Variants in NEFL observed in about 807,000 individuals in gnomAD.
NEFL encodes neurofilament light chain, also known as neurofilament light polypeptide.
NEFL carries 36 observed loss-of-function variants against 51.6 expected under a neutral mutation model. The observed-to-expected ratio is 0.70, with a 90% CI of 0.53 to 0.92. NEFL has a LOEUF of 0.92. Ranked by LOEUF, NEFL falls within the 40% of genes least tolerant of loss-of-function variation. The pLI is 0.00. For synonymous variants in NEFL, 332 were observed against 302.5 expected, an observed-to-expected ratio of 1.10 and a Z score of -1.01; for missense variants, 671 against 722.0, an observed-to-expected ratio of 0.93 and a Z score of 0.81.
Position 24,955,203 on chromosome 8 carries a change from C to T in NEFL, c.1044+269G>A. 1 of 526,940 alleles carries T rather than the reference C, an allele frequency of 1.9e-6. No individual in the cohort carries two copies. 32.6% of individuals were successfully genotyped at this position (526,940 alleles called of 1,614,324 possible). A position where few individuals can be genotyped will look rare whatever the true frequency, so the allele number is the denominator to read the frequency against. On this transcript the variant is annotated intron_variant, in intron 1 of 3. Coordinates refer to ENST00000610854, the MANE Select transcript of NEFL (RefSeq NM_006158.5). The surrounding 1 kb of genome is among the most constrained non-coding windows in gnomAD (Gnocchi z 4.0). ...CAGGCCGGAGGCAACGCCCAATTCC[C>T]ACGTCTTCCCCTCCCCCACCCAACA...
At chr8:24,953,836 G>A (rs746396254) in intron 2 of NEFL, 41 bp from the exon 3 acceptor site, 2 of 1,549,832 alleles carry the variant, frequency 1.3e-6, no homozygotes, top group Admixed American at 2.0e-5. Flanking sequence ...AAACACCTGT[G>A]TTTCACAACT....
chr8:24,951,510 G>A lies in NEFL; in HGVS notation c.*1300C>T, dbSNP rs1198318451. 1.3e-5 allele frequency: 2 copies of A among 152,190 alleles called. No individual in the cohort carries two copies. Among genetic ancestry groups the A allele is most frequent in the Admixed American group, 6.5e-5 (1 of 15,270 alleles). 9.4% of individuals were successfully genotyped at this position (152,190 alleles called of 1,614,324 possible). On this transcript the variant is annotated 3_prime_UTR_variant, in exon 4 of 4. Coordinates refer to ENST00000610854, the MANE Select transcript of NEFL (RefSeq NM_006158.5). ...GAAAGGATACATGGGGCGTGTATTT[G>A]ATGCAATGTCCAACCAGTCAAGCTA...
rs1467518073 is a variant in NEFL at position 24,951,761 on chromosome 8, A to T, written c.*1049T>A. ...TCAGGATTGCAGGCAACATGTTTGC[A>T]GTGGAGTGGCAAATAACCTTTGGTA... On this transcript the variant is annotated 3_prime_UTR_variant, in exon 4 of 4. Transcript: ENST00000610854. 6.6e-6 allele frequency: 1 copy of T among 152,666 alleles called. No individual in the cohort carries two copies. The highest frequency in any genetic ancestry group is 1.9e-4 in the East Asian group (1 of 5,200). 9.5% of individuals were successfully genotyped at this position (152,666 alleles called of 1,614,324 possible).
In NEFL at chr8:24,951,898, T is replaced by C. The variant is rs2117249664; in HGVS notation, c.*912A>G. ...ATGATATTTAGACTATATTTTAAAA[T>C]GCAGTTATAGGGATGAATGTATGGG... On this transcript the variant is annotated 3_prime_UTR_variant, in exon 4 of 4. Coordinates refer to ENST00000610854, the MANE Select transcript of NEFL (RefSeq NM_006158.5). 6.6e-6 allele frequency: 1 copy of C among 152,646 alleles called. No individual in the cohort carries two copies. The highest frequency in any genetic ancestry group is 2.1e-4 in the South Asian group (1 of 4,828). The allele number at this position is 152,646 out of a possible 1,614,324, so 9.5% of individuals were successfully genotyped here. A position where few individuals can be genotyped will look rare whatever the true frequency, so the allele number is the denominator to read the frequency against.
In NEFL at chr8:24,953,804, G is replaced by A. The variant is rs1803004739; in HGVS notation, c.1170-9C>T. 3.7e-6 allele frequency: 6 copies of A among 1,603,436 alleles called. No individual in the cohort carries two copies. Among genetic ancestry groups the A allele is most frequent in the Non-Finnish European group, 5.1e-6 (6 of 1,173,706 alleles). The stretch of plus-strand genomic sequence containing the variant: ...CGCCTTCCAAGAGTTTCCTGGGGAT[G>A]CAGATGCAAGGTGAGGTTAAAAAAC... On this transcript the variant is annotated splice_polypyrimidine_tract_variant and intron_variant, in intron 2 of 3. Coordinates refer to ENST00000610854, the MANE Select transcript of NEFL (RefSeq NM_006158.5).
At chr8:24,953,887 GCTGGGATTTATCAATACTTAATGC>G in intron 2 of NEFL, 92 bp from the exon 3 acceptor site, 1 of 1,460,762 alleles carries the variant, frequency 6.8e-7, no homozygotes, top group Non-Finnish European at 9.0e-7. Context: ...CAGGAGCAGG[GCTGGGATTTATCAATACTTAATGC>G]CTGGGGATCT....
In NEFL at chr8:24,955,230, G is replaced by A. The variant is rs1435220065; in HGVS notation, c.1044+242C>T. 3 of 514,342 alleles carry A rather than the reference G, an allele frequency of 5.8e-6. No individual in the cohort carries two copies. The highest frequency in any genetic ancestry group is 1.0e-5 in the Non-Finnish European group (3 of 293,920). The allele number at this position is 514,342 out of a possible 1,614,324, so 31.9% of individuals were successfully genotyped here. A position where few individuals can be genotyped will look rare whatever the true frequency, so the allele number is the denominator to read the frequency against. ...CGTCTTCCCCTCCCCCACCCAACAAGGGCTGGGCAGCTTTAATGCGGAACG... is the reference window on the plus strand; with the variant it reads ...CGTCTTCCCCTCCCCCACCCAACAAAGGCTGGGCAGCTTTAATGCGGAACG... On this transcript the variant is annotated intron_variant, in intron 1 of 3. Transcript: ENST00000610854. This position sits in a 1 kb window ranked among gnomAD's most constrained non-coding sequence, Gnocchi z 4.0.
rs139488006 is a variant in NEFL at position 24,951,611 on chromosome 8, C to T, written c.*1199G>A. ...GTAACATACAAGCATATTACCTCCC[C>T]CCTTAAGTGACTCATAATTTCATTA... On this transcript the variant is annotated 3_prime_UTR_variant, in exon 4 of 4. Transcript: ENST00000610854. 6.6e-5 allele frequency: 10 copies of T among 152,648 alleles called. No homozygotes were observed. Among genetic ancestry groups the T allele is most frequent in the African/African-American group, 2.4e-4 (10 of 41,562 alleles). 9.5% of individuals were successfully genotyped at this position (152,648 alleles called of 1,614,324 possible).
chr8:24,953,693 G>T lies in NEFL; in HGVS notation c.1272C>A (p.Tyr424Ter). The T allele has an allele frequency of 6.2e-7, 1 of 1,614,006 alleles. No homozygotes were observed. Among genetic ancestry groups the T allele is most frequent in the East Asian group, 2.2e-5 (1 of 44,878 alleles). Residue 424 changes from tyrosine (Y) to a stop codon, truncating the protein, a stop_gained, in exon 3 of 4, where the codon TAC becomes TAA. Transcript: ENST00000610854. LOFTEE classifies it high-confidence loss of function. The stretch of plus-strand genomic sequence containing the variant: ...GATAGGAGCTGGTCTGTAAACCGCC[G>T]TAGGCAGATCGGCCAAAGACCTGGG... ...QSSQVFGRSA[Y>*]GGLQTSSYLM...
intron 1 of NEFL, 51 bp from the exon 2 acceptor site, chr8:24,954,356 T>G (rs1030026336): frequency 5.6e-6 from 9 of 1,599,752 alleles, no homozygotes; most frequent in Non-Finnish European, 7.7e-6. Flanking sequence ...ATAAATCCCT[T>G]CTATTATTTT....
rs1802976574 is a variant in NEFL, at chr8:24,952,052, CAAGT to C, written c.*754_*757del. ...TGTTTACCATAAAGAGTGTATCTGTCAAGTAATTTCAGAATTGCTCCCTAGAAAG... is the reference window on the plus strand; with the variant it reads ...TGTTTACCATAAAGAGTGTATCTGTCAATTTCAGAATTGCTCCCTAGAAAG... On this transcript the variant is annotated 3_prime_UTR_variant, in exon 4 of 4. Coordinates refer to ENST00000610854, the MANE Select transcript of NEFL (RefSeq NM_006158.5). The C allele has an allele frequency of 6.6e-6, 1 of 152,402 alleles. No homozygotes were observed. The highest frequency in any genetic ancestry group is 2.4e-5 in the African/African-American group (1 of 41,420). The allele number at this position is 152,402 out of a possible 1,614,324, so 9.4% of individuals were successfully genotyped here.
In NEFL at chr8:24,955,631, G is replaced by C. The variant is rs772297064; in HGVS notation, c.885C>G (p.Thr295=). ...TVLTESAAKN[T]DAVRAAKDEV... is the part of the protein sequence containing the mutation. ...CGTCCTTGGCGGCGCGCACGGCGTC[G>C]GTGTTCTTGGCGGCGCTCTCGGTCA... The change falls in exon 1 of 4, where the codon ACC becomes ACG. Residue 295 remains threonine, a synonymous_variant. Transcript: ENST00000610854. This position sits in a 1 kb window ranked among gnomAD's most constrained non-coding sequence, Gnocchi z 4.0. The C allele has an allele frequency of 6.2e-7, 1 of 1,613,772 alleles. No homozygotes were observed. Among genetic ancestry groups the C allele is most frequent in the Non-Finnish European group, 8.5e-7 (1 of 1,179,858 alleles).
In NEFL at chr8:24,954,328, C is replaced by CA. The variant is rs759422223; in HGVS notation, c.1045-24dup. On this transcript the variant is annotated intron_variant, in intron 1 of 3. Coordinates refer to ENST00000610854, the MANE Select transcript of NEFL (RefSeq NM_006158.5). ...GTCCTGTTTGAAGACAAAAATAAAA[C>CA]AAAAAAAAAATCCGAGCATAAATCC... The CA allele has an allele frequency of 2.3e-3, 3,258 of 1,416,994 alleles. 2 individuals are homozygous for CA. The highest frequency in any genetic ancestry group is 0.017 in the East Asian group (675 of 38,710). The allele number at this position is 1,416,994 out of a possible 1,614,324, so 87.8% of individuals were successfully genotyped here. A position where few individuals can be genotyped will look rare whatever the true frequency, so the allele number is the denominator to read the frequency against.
intron 1 of NEFL, among the ~76,000 whole-genome samples, chr8:24,954,744 T>G (rs1434501966): frequency 6.6e-6 from 1 of 152,220 alleles, no homozygotes; most frequent in East Asian, 1.9e-4. Flanking sequence ...ATATTTCCTA[T>G]GTATCTAAAT....
rs917021745 is a variant in NEFL, at chr8:24,956,188, C to T, written c.328G>A (p.Glu110Lys). Residue 110 changes from glutamate to lysine, a missense_variant, in exon 1 of 4, where the codon GAG becomes AAG. Physicochemically the swap from Glu to Lys is moderately conservative, Grantham distance 56. Coordinates refer to ENST00000610854, the MANE Select transcript of NEFL (RefSeq NM_006158.5). This position sits in a 1 kb window ranked among gnomAD's most constrained non-coding sequence, Gnocchi z 5.9. ...AGGACCTTGTTCTGCTGCTCCAGCT[C>T]GTGCACGCGCTCGATGAAGCTGGCG... The part of the protein sequence containing the change: ...RFASFIERVH[E>K]LEQQNKVLEA... 1.9e-6 allele frequency: 3 copies of T among 1,610,220 alleles called. No individual in the cohort carries two copies. Among genetic ancestry groups the T allele is most frequent in the South Asian group, 2.2e-5 (2 of 90,078 alleles).
Position 24,952,676 on chromosome 8 carries a change from A to C in NEFL, c.*134T>G. ...AGCACAACATTGAATGTCCAACCTA[A>C]GTCATCTCAGAATTATACATATATT... is the stretch of plus-strand genomic sequence containing the variant. On this transcript the variant is annotated 3_prime_UTR_variant, in exon 4 of 4. Transcript: ENST00000610854. 4.4e-6 allele frequency: 6 copies of C among 1,363,964 alleles called. No individual in the cohort carries two copies. The highest frequency in any genetic ancestry group is 6.0e-6 in the Non-Finnish European group (6 of 1,000,872). 84.5% of individuals were successfully genotyped at this position (1,363,964 alleles called of 1,614,324 possible). A position where few individuals can be genotyped will look rare whatever the true frequency, so the allele number is the denominator to read the frequency against.
rs367739514 is a variant in NEFL, at chr8:24,953,445, T to C, written c.1489+31A>G. The C allele has an allele frequency of 2.4e-4, 372 of 1,547,444 alleles. 1 individual carries two copies. The highest frequency in any genetic ancestry group is 2.9e-4 in the Non-Finnish European group (333 of 1,147,354). ...ACAAATCTCCACACCCAGTTTACAC[T>C]TGAAGTTGCAGGGGTTTTTTCTTAT... On this transcript the variant is annotated intron_variant, in intron 3 of 3. Coordinates refer to ENST00000610854, the MANE Select transcript of NEFL (RefSeq NM_006158.5).
rs558351335 is a variant in NEFL, at chr8:24,951,334, A to G, written c.*1476T>C. On this transcript the variant is annotated 3_prime_UTR_variant, in exon 4 of 4. Transcript: ENST00000610854. Reference sequence around the variant, plus strand: ...GGAGACCACTTTGGTTTCAGGTTAAATTAATAACTTATAGAGATCGTCTAA... The same window carrying G: ...GGAGACCACTTTGGTTTCAGGTTAAGTTAATAACTTATAGAGATCGTCTAA... The G allele has an allele frequency of 3.3e-5, 5 of 152,350 alleles. No individual in the cohort carries two copies. The highest frequency in any genetic ancestry group is 7.2e-5 in the African/African-American group (3 of 41,584). 9.4% of individuals were successfully genotyped at this position (152,350 alleles called of 1,614,324 possible).
intron 2 of NEFL, 36 bp downstream of exon 2, chr8:24,954,145 G>A (rs369161705): frequency 8.7e-6 from 14 of 1,612,858 alleles, no homozygotes; most frequent in Non-Finnish European, 1.1e-5. Context: ...TCTTCCTAAG[G>A]TTTAATGGCT....
Sources: allele counts gnomAD v4.1 joint callset (sites outside exome capture counted in the v4.1 genomes callset), GRCh38; gene constraint gnomAD v4.1.1; non-coding constraint Gnocchi (gnomAD v3.1); transcripts MANE v1.5; gene names NCBI Gene and HGNC (gene_info 2026-07-23, HGNC 2026-07-21).